The following EXOSC10 variants were observed in gnomAD, a reference collection of about 807,000 sequenced individuals.
EXOSC10 encodes exosome complex component 10.
Under a neutral mutation model 126.6 loss-of-function variants are expected in EXOSC10, and 94 were observed. The observed-to-expected ratio is 0.74, with a 90% CI of 0.63 to 0.88. The LOEUF (loss-of-function observed/expected upper bound fraction) is 0.88. Among genes scored for constraint, EXOSC10 ranks in the 40% least tolerant of loss-of-function variants. The pLI is 0.00. For missense variants in EXOSC10, 1,041 were observed against 1,100.5 expected, an observed-to-expected ratio of 0.95 and a Z score of 0.77; for synonymous variants, 395 against 400.8, an observed-to-expected ratio of 0.99 and a Z score of 0.17.
At chr1:11,082,597 T>G (rs1640230825) in intron 10 of EXOSC10, 91 bp downstream of exon 10, 1 of 1,566,908 alleles carries the variant, frequency 6.4e-7, no homozygotes, top group African/African-American at 1.3e-5. Flanking sequence ...ATGAGCGTGG[T>G]AGGGCTCAAA....
Position 11,080,811 on chromosome 1 carries a change from C to A in EXOSC10, c.1539G>T (p.Leu513=), listed in dbSNP as rs1258739975. 1 of 1,614,204 alleles carries A rather than the reference C, an allele frequency of 6.2e-7. No homozygotes were observed. Among genetic ancestry groups the A allele is most frequent in the Non-Finnish European group, 8.5e-7 (1 of 1,180,038 alleles). Residue 513 remains leucine, a synonymous_variant, in exon 12 of 25, where the codon CTG becomes CTT. Transcript: ENST00000376936. ...NTQQLTAFQL[L]FAWRDKTARR... ...GAGCTGTTTTATCCCTCCAGGCAAA[C>A]AGCAGCTGAAAGGCTGTCAACTGCT... is the stretch of plus-strand genomic sequence containing the variant.
At chr1:11,077,999 C>T (rs1350935109) in intron 14 of EXOSC10, among the ~76,000 whole-genome samples, 1 of 152,104 alleles carries the variant, frequency 6.6e-6, no homozygotes. Flanking sequence ...GTGGGGCTGG[C>T]AGGTGGCTCA....
In EXOSC10 at chr1:11,088,126, G is replaced by A; in HGVS notation, c.831C>T (p.Pro277=). 4 of 1,612,912 alleles carry A rather than the reference G, an allele frequency of 2.5e-6. No individual in the cohort carries two copies. The highest frequency in any genetic ancestry group is 3.4e-6 in the Non-Finnish European group (4 of 1,179,276). The stretch of plus-strand genomic sequence containing the variant: ...TAAACTAAGGCTGGGTACTAACCTG[G>A]GGTTGTGGCTTTTGAAGCACTGCAT... ...PADAVLQKPQ[P]QLYRPIEETP... The change falls in exon 7 of 25, where the codon CCC becomes CCT. Residue 277 remains proline, a synonymous_variant. Transcript: ENST00000376936.
Position 11,081,190 on chromosome 1 carries a change from G to C in EXOSC10, c.1329C>G (p.Tyr443Ter). The change falls in exon 11 of 25, where the codon TAC becomes TAG. Residue 443 changes from tyrosine to a stop codon, truncating the protein, a stop_gained. Transcript: ENST00000376936. LOFTEE classifies it high-confidence loss of function. ...TCATTTTGTCATAGATATATAGCAGGTAATGGGTGTCATCCCGGGCGTAGC... is the reference window on the plus strand; with the variant it reads ...TCATTTTGTCATAGATATATAGCAGCTAATGGGTGTCATCCCGGGCGTAGC... ...MLSYARDDTH[Y>*]LLYIYDKMRL... 6.2e-7 allele frequency: 1 copy of C among 1,614,204 alleles called. No individual in the cohort carries two copies. Among genetic ancestry groups the C allele is most frequent in the Non-Finnish European group, 8.5e-7 (1 of 1,180,046 alleles).
intron 1 of EXOSC10, 119 bp from the exon 2 acceptor site, chr1:11,098,275 A>C: frequency 8.0e-7 from 1 of 1,242,464 alleles, no homozygotes; most frequent in Non-Finnish European, 1.1e-6. Context: ...AAAAGCACTC[A>C]TTTAGTGCCA....
chr1:11,080,928 G>C lies in EXOSC10; in HGVS notation c.1438-16C>G, dbSNP rs1251017192. On this transcript the variant is annotated splice_polypyrimidine_tract_variant and intron_variant, in intron 11 of 24. Transcript: ENST00000376936. ...TGATGAATTTCTACAAAGTATTAGAGAACATTCAAAATCAACGGGAATCAA... is the reference window on the plus strand; with the variant it reads ...TGATGAATTTCTACAAAGTATTAGACAACATTCAAAATCAACGGGAATCAA... 2 of 1,593,658 alleles carry C rather than the reference G, an allele frequency of 1.3e-6. No homozygotes were observed. The highest frequency in any genetic ancestry group is 1.4e-5 in the African/African-American group (1 of 73,918).
At chr1:11,094,297 T>C (rs960378429) in intron 3 of EXOSC10, among the ~76,000 whole-genome samples, 5 of 145,138 alleles carry the variant, frequency 3.4e-5, no homozygotes, top group Non-Finnish European at 7.6e-5. Flanking sequence ...CACTTTAACT[T>C]TTTTTTTTTT....
chr1:11,084,716 T>C (rs781780499), intron 9 of EXOSC10, among the ~76,000 whole-genome samples: 3 of 152,220 alleles, frequency 2.0e-5, no homozygotes, highest in South Asian at 2.1e-4. Context: ...ATGTCCTGAA[T>C]GGTATTGCCT....
At chr1:11,071,238 G>C (rs900962341) in intron 20 of EXOSC10, 1 of 457,018 alleles carries the variant, frequency 2.2e-6, no homozygotes, top group Non-Finnish European at 3.9e-6. Flanking sequence ...TCAGTGGCCT[G>C]TGGACCTGAG....
chr1:11,066,660 C>T lies in EXOSC10; in HGVS notation c.*58G>A. On this transcript the variant is annotated 3_prime_UTR_variant, in exon 25 of 25. Transcript: ENST00000376936. ...TTAATGGTTTAAAAATATGTATGTA[C>T]AAAAGCAGCACCAGCATTTGGTGCT... 1 of 1,586,692 alleles carries T rather than the reference C, an allele frequency of 6.3e-7. No individual in the cohort carries two copies.
chr1:11,066,715 G>C lies in EXOSC10; in HGVS notation c.*3C>G, dbSNP rs1639115484. On this transcript the variant is annotated 3_prime_UTR_variant, in exon 25 of 25. Coordinates refer to ENST00000376936, the MANE Select transcript of EXOSC10 (RefSeq NM_001001998.3). ...GTCCACAGGCGCCACGTGTCTTCCA[G>C]GACTATCTCTGTGGCCAGTTGTACC... The C allele has an allele frequency of 1.2e-6, 2 of 1,614,080 alleles. No homozygotes were observed. Among genetic ancestry groups the C allele is most frequent in the African/African-American group, 1.3e-5 (1 of 74,946 alleles).
chr1:11,078,275 T>TTTTTTTTTTTTTTTTTTTTTG (rs1303280830), intron 14 of EXOSC10, among the ~76,000 whole-genome samples: 1 of 151,052 alleles, frequency 6.6e-6, no homozygotes, highest in African/African-American at 2.4e-5. Context: ...TTTTTTTTTT[T>TTTTTTTTTTTTTTTTTTTTTG]GAGACGGAGT....
At chr1:11,085,746 T>C (rs1321177254) in intron 9 of EXOSC10, among the ~76,000 whole-genome samples, 2 of 151,754 alleles carry the variant, frequency 1.3e-5, no homozygotes, top group East Asian at 3.9e-4. Flanking sequence ...AGTATGATAT[T>C]GGCTGTGGGT....
chr1:11,080,740 T>C (rs1350428178), intron 12 of EXOSC10, 24 bp downstream of exon 12: 4 of 1,613,672 alleles, frequency 2.5e-6, no homozygotes, highest in East Asian at 2.2e-5. Flanking sequence ...GAAACAAGTA[T>C]TAAAAGAACC....
chr1:11,084,398 ATG>A (rs1194455215), intron 9 of EXOSC10, among the ~76,000 whole-genome samples: 1 of 152,056 alleles, frequency 6.6e-6, no homozygotes, highest in African/African-American at 2.4e-5. Context: ...GCATTTCTTC[ATG>A]TGTTTTTTGG....
intron 9 of EXOSC10, among the ~76,000 whole-genome samples, chr1:11,084,486 G>C (rs1260834341): frequency 6.6e-6 from 1 of 152,042 alleles, no homozygotes; most frequent in Non-Finnish European, 1.5e-5. Flanking sequence ...TTTTTTTCTT[G>C]TAAATTTGTT....
chr1:11,091,538 G>A lies in EXOSC10; in HGVS notation c.432C>T (p.Ala144=), dbSNP rs780238808. The change falls in exon 4 of 25, where the codon GCC becomes GCT. Residue 144 remains alanine (A), a synonymous_variant. Transcript: ENST00000376936. The stretch of plus-strand genomic sequence containing the variant: ...CTACCGTTTTGGGGACCTGCAAGCC[G>A]GCAGGGAGGACAGGCTGTTGATTCT... ...VNKNQQPVLP[A]GLQVPKTVVS... 2.8e-5 allele frequency: 45 copies of A among 1,614,018 alleles called. No homozygotes were observed. Among genetic ancestry groups the A allele is most frequent in the African/African-American group, 5.3e-5 (4 of 74,902 alleles).
rs1414415559 is a variant in EXOSC10, at chr1:11,088,202, A to G, written c.759-4T>C. On this transcript the variant is annotated splice_region_variant and splice_polypyrimidine_tract_variant and intron_variant, in intron 6 of 24. Transcript: ENST00000376936. ...ATATTGATAAGGATGTGCAAACCTG[A>G]GTAAATAAAACAAAAAGAGAAATCA... is the stretch of plus-strand genomic sequence containing the variant. The G allele has an allele frequency of 6.3e-7, 1 of 1,599,666 alleles. No individual in the cohort carries two copies. The highest frequency in any genetic ancestry group is 1.8e-5 in the Admixed American group (1 of 56,874).
rs548618548 is a variant in EXOSC10, at chr1:11,096,812, C to T, written c.249-931G>A. ...TTTTTGATGAAACCAATAAAACTTG[C>T]ACCCTAGCTGGGCGCAGTGGCTCAC... On this transcript the variant is annotated intron_variant, in intron 2 of 24. Transcript: ENST00000376936. Among the ~76,000 whole-genome samples, 31 of 152,262 alleles carry T rather than the reference C, an allele frequency of 2.0e-4. No homozygotes were observed. The South Asian group carries it at 6.2e-3, about 31-fold the overall frequency.
Sources: allele counts gnomAD v4.1 joint callset (sites outside exome capture counted in the v4.1 genomes callset), GRCh38; gene constraint gnomAD v4.1.1; transcripts MANE v1.5; gene names NCBI Gene and HGNC (gene_info 2026-07-23, HGNC 2026-07-21).